GLB1L3: variants seen among roughly 807,000 people sequenced by gnomAD.
The protein encoded by GLB1L3 is galactosidase beta 1 like 3.
GLB1L3 carries 89 observed loss-of-function variants against 89.5 expected under a neutral mutation model. The ratio of observed to expected loss-of-function variants is 0.99; its 90% CI spans 0.84 to 1.19. GLB1L3 has a LOEUF of 1.19. Ranked by LOEUF, GLB1L3 falls within the 50% of genes most tolerant of loss-of-function variation. GLB1L3 has a pLI of 0.00. For missense variants in GLB1L3, 812 were observed against 813.3 expected, an observed-to-expected ratio of 1.00 and a Z score of 0.02; for synonymous variants, 314 against 312.3, an observed-to-expected ratio of 1.01 and a Z score of -0.06.
intron 3 of GLB1L3, among the ~76,000 whole-genome samples, chr11:134,279,436 T>A (rs2136105349): frequency 6.7e-6 from 1 of 148,510 alleles, no homozygotes; most frequent in South Asian, 2.2e-4. Flanking sequence ...GCGCGATCTC[T>A]GCTCACTGCA....
intron 7 of GLB1L3, among the ~76,000 whole-genome samples, chr11:134,290,484 A>G (rs1232278049): frequency 2.6e-5 from 4 of 151,660 alleles, no homozygotes; most frequent in African/African-American, 7.3e-5. Context: ...GAGGCAGGAA[A>G]ATCACCTGAA....
chr11:134,290,569 C>CT (rs1941297382), intron 7 of GLB1L3, among the ~76,000 whole-genome samples: 2 of 100,150 alleles, frequency 2.0e-5, no homozygotes, highest in Non-Finnish European at 4.5e-5. Flanking sequence ...TGAGACTCGT[C>CT]CCCCCCCGCC....
chr11:134,310,376 A>G (rs1942664151), intron 11 of GLB1L3, 195 bp from the exon 12 acceptor site: 2 of 581,532 alleles, frequency 3.4e-6, no homozygotes, highest in African/African-American at 1.9e-5. Flanking sequence ...ATGGCTTGAC[A>G]CTGGAAGCCA....
intron 15 of GLB1L3, among the ~76,000 whole-genome samples, 191 bp from the exon 16 acceptor site, chr11:134,313,205 A>G (rs1942827633): frequency 6.6e-6 from 1 of 152,192 alleles, no homozygotes; most frequent in African/African-American, 2.4e-5. Context: ...TCCTAGTAGG[A>G]TCAGCAGAGG....
intron 9 of GLB1L3, among the ~76,000 whole-genome samples, chr11:134,303,886 A>G (rs1351574408): frequency 6.6e-6 from 1 of 151,984 alleles, no homozygotes; most frequent in Non-Finnish European, 1.5e-5. Context: ...CCCGGCTCTG[A>G]ATTCTAATGT....
intron 9 of GLB1L3, among the ~76,000 whole-genome samples, chr11:134,293,697 C>G (rs1565400111): frequency 6.6e-6 from 1 of 152,058 alleles, no homozygotes; most frequent in Admixed American, 6.5e-5. Context: ...AAGCCACAGC[C>G]CAGCCTCCAG....
chr11:134,288,740 C>A, intron 6 of GLB1L3, 58 bp from the exon 7 acceptor site: 2 of 1,302,514 alleles, frequency 1.5e-6, no homozygotes, highest in Non-Finnish European at 2.2e-6. Flanking sequence ...AGCTCAGAGA[C>A]TCCAGGCTTT....
In GLB1L3 at chr11:134,277,864, G is replaced by GGGACC. The variant is rs1940464351; in HGVS notation, c.316_320dup (p.Leu108ThrfsTer4). The GGGACC allele has an allele frequency of 6.2e-7, 1 of 1,613,908 alleles. No homozygotes were observed. The highest frequency in any genetic ancestry group is 1.7e-5 in the Admixed American group (1 of 59,980). ...TTCCGGGTGCCCAGGGAGTACTGGA[G>GGGACC]GGACCGCCTGCTGAAGCTGAAGGCC... On this transcript the variant is annotated frameshift_variant, in exon 3 of 20. Coordinates refer to ENST00000431683, the MANE Select transcript of GLB1L3 (RefSeq NM_001080407.3). LOFTEE classifies it high-confidence loss of function.
rs1223020518 is a variant in GLB1L3 at position 134,308,489 on chromosome 11, T to TGTC, written c.962-1137_962-1136insGTC. ...CCACCACCAAATACCACCACCACCATCACCACCAAATACCACCACCACCAC... is the reference window on the plus strand; with the variant it reads ...CCACCACCAAATACCACCACCACCATGTCCACCACCAAATACCACCACCACCAC... On this transcript the variant is annotated intron_variant, in intron 10 of 19. Coordinates refer to ENST00000431683, the MANE Select transcript of GLB1L3 (RefSeq NM_001080407.3). 8.4e-3 allele frequency among the ~76,000 whole-genome samples: 51 copies of TGTC among 6,070 alleles called. 2 individuals carry two copies. The highest frequency in any genetic ancestry group is 0.01 in the African/African-American group (12 of 1,160). The allele number at this position is 6,070 out of a possible 152,430, so 4.0% of individuals were successfully genotyped here. A position where few individuals can be genotyped will look rare whatever the true frequency, so the allele number is the denominator to read the frequency against.
rs1362090700 is a variant in GLB1L3, at chr11:134,283,758, G to T, written c.549G>T (p.Arg183=). 6 of 1,612,218 alleles carry T rather than the reference G, an allele frequency of 3.7e-6. No individual in the cohort carries two copies. Among genetic ancestry groups the T allele is most frequent in the Non-Finnish European group, 4.2e-6 (5 of 1,179,108 alleles). Reference sequence around the variant, plus strand: ...CCAGCTGGCTCCTGCAAGACCCCCGGTTACTGTTGAGGACAACCAACAAGA... The same window carrying T: ...CCAGCTGGCTCCTGCAAGACCCCCGTTTACTGTTGAGGACAACCAACAAGA... The part of the protein sequence containing the change: ...GLPSWLLQDP[R]LLLRTTNKSF... Residue 183 remains arginine, a synonymous_variant, in exon 6 of 20, where the codon CGG becomes CGT. Coordinates refer to ENST00000431683, the MANE Select transcript of GLB1L3 (RefSeq NM_001080407.3).
At chr11:134,320,729 C>T (rs1027819012), downstream of GLB1L3, among the ~76,000 whole-genome samples, 1 of 132,086 alleles carries the variant, frequency 7.6e-6, no homozygotes, top group Non-Finnish European at 1.6e-5. Context: ...AACTATTTTA[C>T]AAGAAAAACA....
Position 134,307,135 on chromosome 11 carries a change from C to T in GLB1L3, c.888C>T (p.Pro296=). The part of the protein sequence containing the change: ...NQLHKVQRDK[P]LLIMEYWVGW... Reference sequence around the variant, plus strand: ...TGGTTTGTTTTTAGAGAGATAAGCCCCTTCTGATTATGGAATACTGGGTCG... The same window carrying T: ...TGGTTTGTTTTTAGAGAGATAAGCCTCTTCTGATTATGGAATACTGGGTCG... Residue 296 remains proline (P), a synonymous_variant, in exon 10 of 20, where the codon CCC becomes CCT. Coordinates refer to ENST00000431683, the MANE Select transcript of GLB1L3 (RefSeq NM_001080407.3). The T allele has an allele frequency of 3.7e-6, 6 of 1,613,194 alleles. No individual in the cohort carries two copies. Among genetic ancestry groups the T allele is most frequent in the Non-Finnish European group, 5.1e-6 (6 of 1,179,406 alleles).
At chr11:134,287,757 G>A (rs946962481) in intron 6 of GLB1L3, among the ~76,000 whole-genome samples, 20 of 152,252 alleles carry the variant, frequency 1.3e-4, no homozygotes, top group Non-Finnish European at 5.9e-5. Flanking sequence ...CCCTGTGGAG[G>A]CAAACAGAAT....
At chr11:134,297,898 A>AT (rs1465833542) in intron 9 of GLB1L3, among the ~76,000 whole-genome samples, 1 of 149,824 alleles carries the variant, frequency 6.7e-6, no homozygotes, top group African/African-American at 2.4e-5. Flanking sequence ...GAGAGAAAAA[A>AT]ATATATATAT....
intron 9 of GLB1L3, among the ~76,000 whole-genome samples, chr11:134,300,111 A>G (rs907920155): frequency 6.6e-6 from 1 of 152,130 alleles, no homozygotes; most frequent in African/African-American, 2.4e-5. Flanking sequence ...TGGCTTAAAC[A>G]GCAGATGTTT....
At chr11:134,290,721 A>T (rs1941313263) in intron 7 of GLB1L3, among the ~76,000 whole-genome samples, 2 of 152,098 alleles carry the variant, frequency 1.3e-5, no homozygotes, top group Non-Finnish European at 2.9e-5. Flanking sequence ...TTTTCAGATT[A>T]GATGTCCCCA....
chr11:134,290,572 C>CT (rs1473041247), intron 7 of GLB1L3, among the ~76,000 whole-genome samples: 13 of 113,578 alleles, frequency 1.1e-4, no homozygotes, highest in African/African-American at 2.9e-4. Context: ...GACTCGTCCC[C>CT]CCCCGCCAAA....
chr11:134,277,851 A>T lies in GLB1L3; in HGVS notation c.301A>T (p.Arg101Trp), dbSNP rs200789453. The change falls in exon 3 of 20, where the codon AGG (arginine) becomes TGG (tryptophan). Residue 101 changes from arginine to tryptophan, a missense_variant. By Grantham distance (101) the Arg-to-Trp change is moderately radical. Transcript: ENST00000431683. ...GGSIHYFRVP[R>W]EYWRDRLLKL... ...CTCCATCCACTATTTCCGGGTGCCC[A>T]GGGAGTACTGGAGGGACCGCCTGCT... 6.2e-7 allele frequency: 1 copy of T among 1,614,104 alleles called. No homozygotes were observed.
intron 11 of GLB1L3, 152 bp downstream of exon 11, chr11:134,309,915 G>T: frequency 2.4e-6 from 2 of 842,694 alleles, no homozygotes; most frequent in Non-Finnish European, 3.6e-6. Context: ...CCTTCCTTCT[G>T]TATGTTCATA....
Sources: allele counts gnomAD v4.1 joint callset (sites outside exome capture counted in the v4.1 genomes callset), GRCh38; gene constraint gnomAD v4.1.1; transcripts MANE v1.5; gene names NCBI Gene and HGNC (gene_info 2026-07-23, HGNC 2026-07-21).